KCNH5: variants seen among roughly 807,000 people sequenced by gnomAD.
KCNH5 encodes potassium voltage-gated channel subfamily H member 5.
Under a neutral mutation model 96.1 loss-of-function variants are expected in KCNH5, and 46 were observed. That is an observed-to-expected ratio of 0.48 (90% CI 0.38 to 0.61). The LOEUF (loss-of-function observed/expected upper bound fraction) is 0.61. KCNH5 is among the 20% of genes least tolerant of loss of function. KCNH5 has a pLI of 0.00. For synonymous variants in KCNH5, 439 were observed against 449.8 expected (o/e 0.98, Z 0.30); for missense variants, 907 against 1,225.8 (o/e 0.74, Z 3.88).
chr14:62,804,986 T>TA (rs1156428300), intron 8 of KCNH5, among the ~76,000 whole-genome samples: 1 of 152,174 alleles, frequency 6.6e-6, no homozygotes, highest in Non-Finnish European at 1.5e-5. Flanking sequence ...ATTAAGAAAA[T>TA]ATTTCAGCAC....
intron 6 of KCNH5, among the ~76,000 whole-genome samples, chr14:62,977,453 T>A (rs1389843447): frequency 6.6e-6 from 1 of 151,918 alleles, no homozygotes; most frequent in Non-Finnish European, 1.5e-5. Context: ...GTGATGAAAA[T>A]GGTGCATTTA....
chr14:62,981,888 T>C (rs926946891), intron 5 of KCNH5, among the ~76,000 whole-genome samples: 1 of 152,212 alleles, frequency 6.6e-6, no homozygotes, highest in Non-Finnish European at 1.5e-5. Flanking sequence ...CTCAAGTTTG[T>C]TTCTGTATAC....
intron 1 of KCNH5, among the ~76,000 whole-genome samples, chr14:63,028,040 G>C (rs965926905): frequency 1.3e-5 from 2 of 151,996 alleles, no homozygotes; most frequent in African/African-American, 4.8e-5. Context: ...CAATTTCATA[G>C]CCCAATGAAG....
intron 6 of KCNH5, among the ~76,000 whole-genome samples, chr14:62,956,815 TC>T (rs1489641721): frequency 6.6e-6 from 1 of 152,168 alleles, no homozygotes; most frequent in African/African-American, 2.4e-5. Flanking sequence ...AAAATGCCCT[TC>T]TTATGTACTT....
chr14:62,741,853 T>C (rs746534213), intron 10 of KCNH5, among the ~76,000 whole-genome samples: 2 of 152,194 alleles, frequency 1.3e-5, no homozygotes, highest in Non-Finnish European at 2.9e-5. Flanking sequence ...ATGAAAAGCA[T>C]TATAAATTGT....
chr14:62,948,226 A>G (rs1382929716), intron 7 of KCNH5, among the ~76,000 whole-genome samples: 1 of 152,086 alleles, frequency 6.6e-6, no homozygotes, highest in African/African-American at 2.4e-5. Context: ...CCAGTCTATC[A>G]TTGTTGGACA....
intron 7 of KCNH5, among the ~76,000 whole-genome samples, chr14:62,878,608 T>C (rs1888431371): frequency 6.6e-6 from 1 of 152,170 alleles, no homozygotes; most frequent in Non-Finnish European, 1.5e-5. Context: ...AGAATACTTA[T>C]AACTCAATAA....
In KCNH5 at chr14:62,731,712, G is replaced by A. The variant is rs553759601; in HGVS notation, c.2020-23257C>T. Among the ~76,000 whole-genome samples the A allele has an allele frequency of 8.5e-5, 13 of 152,230 alleles. No individual in the cohort carries two copies. The South Asian group carries it at 1.9e-3, about 22-fold the overall frequency. On this transcript the variant is annotated intron_variant, in intron 10 of 10. Transcript: ENST00000322893. ...CCACCATTGCCACAGGTTTAGATGC[G>A]TTGCAAATATATTTTTTAAAAATAG...
chr14:62,717,627 A>G (rs1018099840), intron 10 of KCNH5, among the ~76,000 whole-genome samples: 1 of 152,228 alleles, frequency 6.6e-6, no homozygotes, highest in African/African-American at 2.4e-5. Flanking sequence ...CTAACACTAT[A>G]TACAAAATTA....
intron 5 of KCNH5, among the ~76,000 whole-genome samples, chr14:62,982,978 T>C (rs1274167751): frequency 6.6e-6 from 1 of 152,210 alleles, no homozygotes; most frequent in Non-Finnish European, 1.5e-5. Flanking sequence ...GTCTTTTCTT[T>C]TGCTTTTCAA....
chr14:62,776,397 G>A (rs1470727558), intron 10 of KCNH5, among the ~76,000 whole-genome samples: 4 of 152,038 alleles, frequency 2.6e-5, no homozygotes, highest in African/African-American at 9.7e-5. Context: ...GGAACACAGT[G>A]AGAAGCTGGA....
chr14:62,909,110 A>G (rs1330425011), intron 7 of KCNH5, among the ~76,000 whole-genome samples: 5 of 122,678 alleles, frequency 4.1e-5, no homozygotes, highest in Non-Finnish European at 8.0e-5. Context: ...CAGTGGCGGG[A>G]TCTCGGCTCA....
chr14:62,919,337 C>T (rs1181517472), intron 7 of KCNH5, among the ~76,000 whole-genome samples: 2 of 152,008 alleles, frequency 1.3e-5, no homozygotes, highest in African/African-American at 4.8e-5. Context: ...TATACTACTT[C>T]CCTAGAGATA....
chr14:63,011,871 T>C, intron 2 of KCNH5, among the ~76,000 whole-genome samples: 1 of 152,094 alleles, frequency 6.6e-6, no homozygotes, highest in Non-Finnish European at 1.5e-5. Context: ...ATCTGCCCAA[T>C]AAACTGTTTC....
chr14:62,765,128 C>T (rs1005257205), intron 10 of KCNH5, among the ~76,000 whole-genome samples: 11 of 152,156 alleles, frequency 7.2e-5, no homozygotes, highest in Non-Finnish European at 1.6e-4. Flanking sequence ...AACTATACTA[C>T]AAGGCTACAG....
intron 5 of KCNH5, 150 bp downstream of exon 5, chr14:62,986,922 T>C (rs1322349734): frequency 1.6e-6 from 1 of 610,888 alleles, no homozygotes; most frequent in East Asian, 2.8e-5. Flanking sequence ...ATAGAAATAT[T>C]TGGGATTTCT....
chr14:62,969,386 T>C (rs1416850523), intron 6 of KCNH5, among the ~76,000 whole-genome samples: 2 of 152,092 alleles, frequency 1.3e-5, no homozygotes, highest in Non-Finnish European at 2.9e-5. Context: ...AGAAAAGCCA[T>C]CATAAAAATT....
Position 62,830,510 on chromosome 14 carries a change from C to T in KCNH5, c.1569+19143G>A, listed in dbSNP as rs77546907. 8.2e-3 allele frequency among the ~76,000 whole-genome samples: 1,249 copies of T among 152,260 alleles called. 52 individuals are homozygous for T. Among genetic ancestry groups the T allele is most frequent in the Admixed American group, 0.059 (907 of 15,292 alleles). On this transcript the variant is annotated intron_variant, in intron 8 of 10. Coordinates refer to ENST00000322893, the MANE Select transcript of KCNH5 (RefSeq NM_139318.5). ...CATGGCAAAGGGGAAGGTGAAGCAA[C>T]GACCTTATTCACATGGTGGCAGGAG...
intron 10 of KCNH5, among the ~76,000 whole-genome samples, chr14:62,735,389 C>T (rs1314446274): frequency 1.3e-5 from 2 of 152,000 alleles, no homozygotes; most frequent in East Asian, 1.9e-4. Context: ...TGTGAGATAC[C>T]CTAGAAACCC....
Sources: gnomAD v4.1 joint callset for allele counts (sites outside exome capture counted in the v4.1 genomes callset) on GRCh38, gnomAD v4.1.1 for gene constraint, MANE v1.5 for transcripts, NCBI Gene and HGNC (gene_info 2026-07-23, HGNC 2026-07-21) for gene names.